LYPLAL1: variants seen among roughly 807,000 people sequenced by gnomAD.
The protein encoded by LYPLAL1 is lysophospholipase like 1.
Under a neutral mutation model 19.7 loss-of-function variants are expected in LYPLAL1, and 23 were observed. The observed-to-expected ratio is 1.17, with a 90% confidence interval of 0.84 to 1.65. The LOEUF (loss-of-function observed/expected upper bound fraction) is 1.65, where lower values mean the gene tolerates loss of function less well. Among genes scored for constraint, LYPLAL1 ranks in the 40% most tolerant of loss-of-function variants. The pLI is 0.00. For synonymous variants in LYPLAL1, 119 were observed against 96.3 expected, an observed-to-expected ratio of 1.24 and a Z score of -1.38; for missense variants, 355 against 279.4, an observed-to-expected ratio of 1.27 and a Z score of -1.93.
the LYPLAL1 span, among the ~76,000 whole-genome samples, chr1:219,280,178 T>A: frequency 1.7e-4 from 26 of 152,230 alleles, no homozygotes; most frequent in Non-Finnish European, 3.4e-4. Flanking sequence ...TTTAGAGCCA[T>A]GCTGACTGCA....
At chr1:219,324,664 G>A in the LYPLAL1 span, among the ~76,000 whole-genome samples, 1 of 152,162 alleles carries the variant, frequency 6.6e-6, no homozygotes. Flanking sequence ...CTTGACATCA[G>A]ATTGACATGG....
At chr1:219,338,623 A>G in the LYPLAL1 span, among the ~76,000 whole-genome samples, 2 of 151,846 alleles carry the variant, frequency 1.3e-5, no homozygotes, top group African/African-American at 4.8e-5. Flanking sequence ...AAAAAAAAAC[A>G]AAAACAGAAG....
At chr1:219,208,896 T>C (rs1220568622) in intron 3 of LYPLAL1, among the ~76,000 whole-genome samples, 1 of 152,118 alleles carries the variant, frequency 6.6e-6, no homozygotes, top group Non-Finnish European at 1.5e-5. Flanking sequence ...GAAATACTAA[T>C]TTGTGTATTT....
the LYPLAL1 span, among the ~76,000 whole-genome samples, chr1:219,269,770 C>T: frequency 6.6e-6 from 1 of 151,986 alleles, no homozygotes; most frequent in Non-Finnish European, 1.5e-5. Flanking sequence ...AAATATATCA[C>T]AAATCATAAT....
intron 1 of LYPLAL1, among the ~76,000 whole-genome samples, chr1:219,178,628 C>T (rs1350186253): frequency 6.6e-6 from 1 of 151,920 alleles, no homozygotes; most frequent in Non-Finnish European, 1.5e-5. Flanking sequence ...GTCATGTAAA[C>T]ATGTTGTCAA....
Position 219,211,903 on chromosome 1 carries a change from CA to C in LYPLAL1, c.*178del. 2.3e-6 allele frequency: 1 copy of C among 443,734 alleles called. No homozygotes were observed. The highest frequency in any genetic ancestry group is 4.0e-6 in the Non-Finnish European group (1 of 252,832). The allele number at this position is 443,734 out of a possible 1,614,324, so 27.5% of individuals were successfully genotyped here. ...AATCTTATTAATGAAAAACAATAGA[CA>C]AACATCTGTGCATAATTTTTCAGAC... On this transcript the variant is annotated 3_prime_UTR_variant, in exon 5 of 5. Transcript: ENST00000366928.
chr1:219,321,111 T>C, the LYPLAL1 span, among the ~76,000 whole-genome samples: 3 of 152,232 alleles, frequency 2.0e-5, no homozygotes, highest in African/African-American at 7.2e-5. Flanking sequence ...TGTTGTTTCC[T>C]GATTTTTTAA....
the LYPLAL1 span, among the ~76,000 whole-genome samples, chr1:219,434,270 G>T: frequency 6.6e-6 from 1 of 152,170 alleles, no homozygotes; most frequent in Non-Finnish European, 1.5e-5. Context: ...GTGAAGTTGG[G>T]AACTAGCAGA....
At chr1:219,231,851 G>C in the LYPLAL1 span, among the ~76,000 whole-genome samples, 129 of 152,252 alleles carry the variant, frequency 8.5e-4, 1 homozygote, top group South Asian at 0.017. Context: ...TAAAGGCTAT[G>C]TCAAATAACT....
the LYPLAL1 span, among the ~76,000 whole-genome samples, chr1:219,398,569 A>G: frequency 6.6e-6 from 1 of 152,176 alleles, no homozygotes; most frequent in Admixed American, 6.5e-5. Context: ...CAGCCACCTC[A>G]GCACAGTTCA....
chr1:219,217,660 T>C (rs906117052), downstream of LYPLAL1, among the ~76,000 whole-genome samples: 2 of 152,068 alleles, frequency 1.3e-5, no homozygotes, highest in African/African-American at 4.8e-5. Flanking sequence ...GTGTGGTCTC[T>C]TAAAGCCAAA....
At chr1:219,380,368 G>A in the LYPLAL1 span, among the ~76,000 whole-genome samples, 4 of 152,220 alleles carry the variant, frequency 2.6e-5, no homozygotes, top group Non-Finnish European at 5.9e-5. Context: ...GGCACAGTTG[G>A]CGTAGCTTTA....
intron 3 of LYPLAL1, among the ~76,000 whole-genome samples, chr1:219,202,278 C>T (rs1490335661): frequency 6.6e-6 from 1 of 152,124 alleles, no homozygotes; most frequent in Admixed American, 6.6e-5. Flanking sequence ...AAAAAGTTTT[C>T]TTGCCATTAT....
chr1:219,176,641 C>CT (rs1394889911), intron 1 of LYPLAL1, among the ~76,000 whole-genome samples: 2 of 152,304 alleles, frequency 1.3e-5, no homozygotes, highest in East Asian at 3.9e-4. Context: ...TGGGGTTTCT[C>CT]TAAATTTGGT....
chr1:219,367,580 A>G, the LYPLAL1 span, among the ~76,000 whole-genome samples: 3 of 152,158 alleles, frequency 2.0e-5, no homozygotes, highest in Non-Finnish European at 4.4e-5. Flanking sequence ...TGAGGCCATC[A>G]TCGAGTATTC....
chr1:219,429,571 T>C, the LYPLAL1 span, among the ~76,000 whole-genome samples: 8 of 151,310 alleles, frequency 5.3e-5, no homozygotes, highest in Non-Finnish European at 1.0e-4. Flanking sequence ...GCGAGAGGAG[T>C]GTTTGAACCC....
At chr1:219,200,931 C>G (rs1658046198) in intron 3 of LYPLAL1, among the ~76,000 whole-genome samples, 1 of 152,156 alleles carries the variant, frequency 6.6e-6, no homozygotes, top group Non-Finnish European at 1.5e-5. Context: ...GTCTGAGAGC[C>G]AATATGAATT....
the LYPLAL1 span, among the ~76,000 whole-genome samples, chr1:219,393,205 C>T: frequency 6.6e-6 from 1 of 152,302 alleles, no homozygotes; most frequent in East Asian, 1.9e-4. Flanking sequence ...GAACAGATGG[C>T]CATGAAGAGG....
the LYPLAL1 span, among the ~76,000 whole-genome samples, chr1:219,253,209 TTTA>T: frequency 1.3e-5 from 2 of 151,834 alleles, no homozygotes; most frequent in African/African-American, 4.8e-5. Flanking sequence ...AGTGGCCTAT[TTTA>T]TTAATTTTTT....
Sources: allele counts gnomAD v4.1 joint callset (sites outside exome capture counted in the v4.1 genomes callset), GRCh38; gene constraint gnomAD v4.1.1; transcripts MANE v1.5; gene names NCBI Gene and HGNC (gene_info 2026-07-23, HGNC 2026-07-21).